Variants in CELF2 observed in about 807,000 individuals in gnomAD.
CELF2 encodes the protein CUGBP Elav-like family member 2.
Under a neutral mutation model 62.6 loss-of-function variants are expected in CELF2, and 8 were observed. That is an observed-to-expected ratio of 0.13 (90% CI 0.07 to 0.23). CELF2 has a LOEUF of 0.23. CELF2 is among the 10% of genes least tolerant of loss of function. CELF2 has a pLI of 1.00. For missense variants in CELF2, 333 were observed against 671.0 expected (o/e 0.50, Z 5.56); for synonymous variants, 258 against 250.0 (o/e 1.03, Z -0.30).
At chr10:11,006,674 A>G (rs536813433) in intron 1 of CELF2, among the ~76,000 whole-genome samples, 2 of 152,332 alleles carry the variant, frequency 1.3e-5, no homozygotes, top group South Asian at 2.1e-4. Flanking sequence ...ATCCATGTAG[A>G]TAAACGGTTT....
At chr10:10,586,925 T>C in the CELF2 span, among the ~76,000 whole-genome samples, 2 of 152,164 alleles carry the variant, frequency 1.3e-5, no homozygotes, top group Non-Finnish European at 2.9e-5. Flanking sequence ...CTGCTCTGAA[T>C]GTCTAAGACC....
At chr10:11,162,527 AGAG>A (rs1174684866) in intron 1 of CELF2, among the ~76,000 whole-genome samples, 1 of 151,816 alleles carries the variant, frequency 6.6e-6, no homozygotes, top group East Asian at 1.9e-4. Flanking sequence ...CTGTAGGAAT[AGAG>A]AAGAAGGGAA....
At chr10:10,854,807 C>A (rs967786129) in intron 1 of CELF2, among the ~76,000 whole-genome samples, 9 of 151,974 alleles carry the variant, frequency 5.9e-5, no homozygotes, top group African/African-American at 2.2e-4. Context: ...GCCCCCTCTC[C>A]AAGTCAACAT....
chr10:10,508,097 C>T, the CELF2 span, among the ~76,000 whole-genome samples: 1 of 152,018 alleles, frequency 6.6e-6, no homozygotes, highest in Non-Finnish European at 1.5e-5. Context: ...CTTGGGGATA[C>T]TATCTTCGTC....
At chr10:10,783,324 C>T in the CELF2 span, among the ~76,000 whole-genome samples, 1 of 152,084 alleles carries the variant, frequency 6.6e-6, no homozygotes, top group Non-Finnish European at 1.5e-5. Context: ...AACACAGAGA[C>T]AGGTACAGGG....
intron 1 of CELF2, chr10:10,919,955 T>G (rs1439625129): frequency 8.1e-7 from 1 of 1,231,144 alleles, no homozygotes; most frequent in South Asian, 4.1e-5. Context: ...CTTTTTCTCC[T>G]TCCTGCAGAG....
chr10:11,284,034 GT>G, intron 8 of CELF2, among the ~76,000 whole-genome samples: 1 of 144,344 alleles, frequency 6.9e-6, no homozygotes, highest in African/African-American at 2.6e-5. Context: ...TGATGGATGA[GT>G]GTGTGGTGAG....
chr10:11,197,028 A>AGGAAGGAAGGAAGGAAG (rs2057913830), intron 2 of CELF2, among the ~76,000 whole-genome samples: 1 of 20,970 alleles, frequency 4.8e-5, no homozygotes, highest in African/African-American at 3.9e-4. Flanking sequence ...AAGAAAGAAA[A>AGGAAGGAAGGAAGGAAG]GAAAGAAAGA....
intron 1 of CELF2, among the ~76,000 whole-genome samples, chr10:10,866,311 A>G (rs1193326528): frequency 6.6e-6 from 1 of 151,050 alleles, no homozygotes; most frequent in Non-Finnish European, 1.5e-5. Flanking sequence ...AGGCTTTACG[A>G]GTAAGAAATC....
At position 11,039,535 on chromosome 10, in the gene CELF2, C is replaced by T. The variant is rs1243144100; in HGVS notation, c.74+21372C>T. Among the ~76,000 whole-genome samples the T allele has an allele frequency of 6.6e-6, 1 of 152,188 alleles. No homozygotes were observed. Among genetic ancestry groups the T allele is most frequent in the Non-Finnish European group, 1.5e-5 (1 of 68,044 alleles). On this transcript the variant is annotated intron_variant, in intron 1 of 12. Transcript: ENST00000633077. The surrounding 1 kb of genome is among the most constrained non-coding windows in gnomAD (Gnocchi z 4.1). ...AGTTAATTATTTACTTCACAAGACA[C>T]TGCTTGTCCCATGTTTGCCCACGTA...
chr10:10,638,684 A>G, the CELF2 span, among the ~76,000 whole-genome samples: 104 of 152,318 alleles, frequency 6.8e-4, no homozygotes, highest in African/African-American at 2.4e-3. Flanking sequence ...GAGGAGCACA[A>G]GTCATTAGCC....
Position 11,227,945 on chromosome 10 carries a change from T to C in CELF2, c.354+10438T>C, listed in dbSNP as rs1005092485. On this transcript the variant is annotated intron_variant, in intron 3 of 12. Coordinates refer to ENST00000633077, the MANE Select transcript of CELF2 (RefSeq NM_001326342.2). The surrounding 1 kb of genome is among the most constrained non-coding windows in gnomAD (Gnocchi z 4.8). ...CTCACCAGCACATACACGGTATTAT[T>C]GTTTCCTCAGAAGAGTGTGTATTTA... Among the ~76,000 whole-genome samples, 1 of 152,226 alleles carries C rather than the reference T, an allele frequency of 6.6e-6. No homozygotes were observed. The highest frequency in any genetic ancestry group is 1.5e-5 in the Non-Finnish European group (1 of 68,044).
chr10:11,103,016 T>A (rs2052200809), intron 1 of CELF2, among the ~76,000 whole-genome samples: 1 of 152,226 alleles, frequency 6.6e-6, no homozygotes, highest in Non-Finnish European at 1.5e-5. Flanking sequence ...CTCATCTTGT[T>A]ACTCCCTATT....
the CELF2 span, among the ~76,000 whole-genome samples, chr10:10,711,489 C>T: frequency 6.6e-6 from 1 of 152,156 alleles, no homozygotes; most frequent in African/African-American, 2.4e-5. Context: ...TCTCCAAAGT[C>T]CATTCCTGAC....
chr10:11,001,709 A>G (rs1016011545), upstream of CELF2, among the ~76,000 whole-genome samples: 1 of 152,230 alleles, frequency 6.6e-6, no homozygotes, highest in East Asian at 1.9e-4. Context: ...TTATACAGCA[A>G]AAACATCTTT....
chr10:10,464,907 G>C, the CELF2 span, among the ~76,000 whole-genome samples: 1 of 152,094 alleles, frequency 6.6e-6, no homozygotes, highest in Admixed American at 6.6e-5. Context: ...CGTAATATCA[G>C]TTTGTCTTTT....
At chr10:10,760,183 C>T in the CELF2 span, among the ~76,000 whole-genome samples, 7 of 152,196 alleles carry the variant, frequency 4.6e-5, no homozygotes, top group Non-Finnish European at 7.3e-5. Flanking sequence ...GGATTATAGA[C>T]GTGAGCCACT....
rs930112846 is a variant in CELF2, at chr10:11,297,800, G to C, written c.976+9248G>C. ...GTTTGAGACCAGCCTGGCCAACATG[G>C]TGAAACCCTGTCTATACTAAAAATA... is the stretch of plus-strand genomic sequence containing the variant. On this transcript the variant is annotated intron_variant, in intron 9 of 12. Coordinates refer to ENST00000633077, the MANE Select transcript of CELF2 (RefSeq NM_001326342.2). The surrounding 1 kb of genome is among the most constrained non-coding windows in gnomAD (Gnocchi z 4.4). Among the ~76,000 whole-genome samples the C allele has an allele frequency of 2.0e-5, 3 of 152,130 alleles. No individual in the cohort carries two copies. Among genetic ancestry groups the C allele is most frequent in the African/African-American group, 7.2e-5 (3 of 41,424 alleles).
chr10:11,139,845 T>G (rs1166925558), intron 1 of CELF2, among the ~76,000 whole-genome samples: 1 of 152,058 alleles, frequency 6.6e-6, no homozygotes, highest in Non-Finnish European at 1.5e-5. Flanking sequence ...TTCAGTTTTT[T>G]TTTTTTTTTA....
Sources: gnomAD v4.1 joint callset for allele counts (sites outside exome capture counted in the v4.1 genomes callset) on GRCh38, gnomAD v4.1.1 for gene constraint, Gnocchi (gnomAD v3.1) non-coding constraint, MANE v1.5 for transcripts, NCBI Gene and HGNC (gene_info 2026-07-23, HGNC 2026-07-21) for gene names.